ZMYND12: variants seen among roughly 807,000 people sequenced by gnomAD.
ZMYND12 encodes the protein zinc finger MYND domain-containing protein 12.
A neutral mutation model predicts 41.7 loss-of-function variants in ZMYND12; 32 were observed. That is an observed-to-expected ratio of 0.77 (90% CI 0.58 to 1.03). The LOEUF (loss-of-function observed/expected upper bound fraction) is 1.03, where lower values mean the gene tolerates loss of function less well. ZMYND12 is among the 50% of genes least tolerant of loss of function. The probability of loss-of-function intolerance (pLI) is 0.00; values close to 1 mark genes in which losing one functional copy is unlikely to be tolerated. For missense variants in ZMYND12, 424 were observed against 438.5 expected, an observed-to-expected ratio of 0.97 and a Z score of 0.30; for synonymous variants, 148 against 164.8, an observed-to-expected ratio of 0.90 and a Z score of 0.78.
intron 6 of ZMYND12, among the ~76,000 whole-genome samples, chr1:42,433,727 A>G (rs371501969): frequency 1.3e-5 from 2 of 152,314 alleles, no homozygotes. Flanking sequence ...GCAGCAGCTT[A>G]ACTCTTCTCG....
Position 42,436,439 on chromosome 1 carries a change from T to C in ZMYND12, c.699A>G (p.Ala233=), listed in dbSNP as rs150936373. 291 of 1,613,508 alleles carry C rather than the reference T, an allele frequency of 1.8e-4. No homozygotes were observed. In the African/African-American group the frequency reaches 3.4e-3, roughly 19 times the overall value. The change falls in exon 5 of 8, where the codon GCA becomes GCG. Residue 233 remains alanine (A), a synonymous_variant. Coordinates refer to ENST00000372565, the MANE Select transcript of ZMYND12 (RefSeq NM_032257.5). ...AGCTCACCTTGGTGTACAATGTGTC[T>C]GCCAGGTCCAACTTTTTAAGGTCAT... is the stretch of plus-strand genomic sequence containing the variant. ...IFYDLKKLDL[A]DTLYTKVSEI...
Position 42,430,818 on chromosome 1 carries a change from TC to T in ZMYND12, c.1015del (p.Glu339AsnfsTer16). ...YGMRALSLAK[E>X]QQLDVHEQST... ...TTGCTCATGGACATCAAGCTGTTGT[TC>T]TTTGGCTAGACTGAGGGCCCTCATG... On this transcript the variant is annotated frameshift_variant, in exon 8 of 8. Transcript: ENST00000372565. LOFTEE classifies it low-confidence loss of function (END_TRUNC). The T allele has an allele frequency of 6.2e-7, 1 of 1,614,196 alleles. No homozygotes were observed. The highest frequency in any genetic ancestry group is 8.5e-7 in the Non-Finnish European group (1 of 1,180,038).
chr1:42,444,171 C>A (rs543338180), intron 3 of ZMYND12, among the ~76,000 whole-genome samples: 5 of 152,214 alleles, frequency 3.3e-5, no homozygotes, highest in African/African-American at 1.2e-4. Context: ...CCAGTTTAAG[C>A]AGACACCTGA....
chr1:42,456,021 C>G lies in ZMYND12; in HGVS notation c.-24G>C. On this transcript the variant is annotated 5_prime_UTR_variant, in exon 1 of 8. Coordinates refer to ENST00000372565, the MANE Select transcript of ZMYND12 (RefSeq NM_032257.5). ...ATGGTGCAGCCAGCAGTGCTGGTCT[C>G]TAAGACGGTTGCCCAGCAAGGATAC... 2 of 1,571,150 alleles carry G rather than the reference C, an allele frequency of 1.3e-6. No individual in the cohort carries two copies. Among genetic ancestry groups the G allele is most frequent in the South Asian group, 1.1e-5 (1 of 89,536 alleles).
intron 1 of ZMYND12, among the ~76,000 whole-genome samples, chr1:42,451,293 T>C (rs1200122585): frequency 6.6e-6 from 1 of 152,226 alleles, no homozygotes; most frequent in Non-Finnish European, 1.5e-5. Context: ...TATTAAATTG[T>C]CTATTTTTCT....
chr1:42,445,722 C>G (rs7551439), intron 3 of ZMYND12, among the ~76,000 whole-genome samples: 1 of 151,986 alleles, frequency 6.6e-6, no homozygotes. Context: ...AATTTGTTAA[C>G]GGCTAGATCA....
At chr1:42,448,696 T>A (rs1643049786) in intron 2 of ZMYND12, 58 bp from the exon 3 acceptor site, 1 of 1,521,476 alleles carries the variant, frequency 6.6e-7, no homozygotes, top group Middle Eastern at 1.8e-4. Context: ...CAAAGGTGGA[T>A]GTAGATGGCC....
intron 4 of ZMYND12, among the ~76,000 whole-genome samples, chr1:42,439,346 A>G (rs1412133453): frequency 6.6e-6 from 1 of 151,288 alleles, no homozygotes; most frequent in Non-Finnish European, 1.5e-5. Context: ...GCTCACTGCA[A>G]CCTCCACCTC....
intron 1 of ZMYND12, among the ~76,000 whole-genome samples, chr1:42,453,901 C>T (rs1643113329): frequency 6.6e-6 from 1 of 152,106 alleles, no homozygotes; most frequent in South Asian, 2.1e-4. Flanking sequence ...TATGTGTGGC[C>T]ACTGGGTCTA....
intron 4 of ZMYND12, among the ~76,000 whole-genome samples, chr1:42,438,386 A>G (rs989305144): frequency 2.6e-5 from 4 of 152,206 alleles, no homozygotes; most frequent in Non-Finnish European, 5.9e-5. Context: ...ACAGCAAGAA[A>G]CTATTACCAT....
At chr1:42,445,832 G>T (rs1432080492) in intron 3 of ZMYND12, among the ~76,000 whole-genome samples, 1 of 152,148 alleles carries the variant, frequency 6.6e-6, no homozygotes, top group Non-Finnish European at 1.5e-5. Flanking sequence ...GGCCAGAGAT[G>T]ATGTGGGGAG....
chr1:42,454,167 G>T (rs1643116333), intron 1 of ZMYND12, among the ~76,000 whole-genome samples: 1 of 152,204 alleles, frequency 6.6e-6, no homozygotes, highest in Non-Finnish European at 1.5e-5. Context: ...TAGCAAATTA[G>T]AACTTCAGTT....
intron 1 of ZMYND12, among the ~76,000 whole-genome samples, chr1:42,455,669 T>G (rs1201462354): frequency 6.6e-6 from 1 of 152,184 alleles, no homozygotes; most frequent in South Asian, 2.1e-4. Flanking sequence ...CCTAAAATAG[T>G]GCATAACACA....
At chr1:42,438,636 T>G (rs1181280273) in intron 4 of ZMYND12, among the ~76,000 whole-genome samples, 6 of 152,240 alleles carry the variant, frequency 3.9e-5, no homozygotes, top group South Asian at 2.1e-4. Flanking sequence ...CAGAGAGCAA[T>G]GGAGTCCATA....
In ZMYND12 at chr1:42,454,470, A is replaced by G. The variant is rs560453925; in HGVS notation, c.110+1418T>C. 2.0e-5 allele frequency among the ~76,000 whole-genome samples: 3 copies of G among 152,352 alleles called. No individual in the cohort carries two copies. The South Asian group carries it at 6.2e-4, about 32-fold the overall frequency. On this transcript the variant is annotated intron_variant, in intron 1 of 7. Transcript: ENST00000372565. ...GAAGGACACCTAGGCCAGTATGAGA[A>G]GGTACTGCAACAGCTTCTTGATCTG...
chr1:42,448,309 C>T (rs1412679076), intron 3 of ZMYND12, among the ~76,000 whole-genome samples, 158 bp downstream of exon 3: 1 of 152,214 alleles, frequency 6.6e-6, no homozygotes, highest in Non-Finnish European at 1.5e-5. Flanking sequence ...AAGTCTGTGA[C>T]ATCTCCTTCC....
At chr1:42,451,134 C>A (rs1242001365) in intron 1 of ZMYND12, among the ~76,000 whole-genome samples, 1 of 152,108 alleles carries the variant, frequency 6.6e-6, no homozygotes, top group African/African-American at 2.4e-5. Flanking sequence ...CCTTGCTGAT[C>A]TGTCTAATTG....
chr1:42,437,516 A>T (rs1480091327), intron 4 of ZMYND12, among the ~76,000 whole-genome samples: 4 of 136,016 alleles, frequency 2.9e-5, no homozygotes, highest in Non-Finnish European at 3.2e-5. Flanking sequence ...GCTTGTGCTA[A>T]TTTTTTTTTT....
Position 42,436,353 on chromosome 1 carries a change from A to G in ZMYND12, c.717+68T>C, listed in dbSNP as rs1436618842. The G allele has an allele frequency of 5.9e-5, 94 of 1,588,938 alleles. 1 individual carries two copies. The highest frequency in any genetic ancestry group is 8.6e-7 in the Non-Finnish European group (1 of 1,163,864). On this transcript the variant is annotated intron_variant, in intron 5 of 7. Coordinates refer to ENST00000372565, the MANE Select transcript of ZMYND12 (RefSeq NM_032257.5). ...CATGAATGGTATGTTTTTCATGAAT[A>G]GTCTAATACAAGTTGTAAGACACCA...
Sources: gnomAD v4.1 joint callset for allele counts (sites outside exome capture counted in the v4.1 genomes callset) on GRCh38, gnomAD v4.1.1 for gene constraint, MANE v1.5 for transcripts, NCBI Gene and HGNC (gene_info 2026-07-23, HGNC 2026-07-21) for gene names.